TLE4: variants seen among roughly 807,000 people sequenced by gnomAD.
The protein encoded by TLE4 is transducin-like enhancer protein 4.
In TLE4, 8 loss-of-function variants were observed where a neutral mutation model predicts 92.8. The ratio of observed to expected loss-of-function variants is 0.09; its 90% confidence interval spans 0.05 to 0.16. The LOEUF (loss-of-function observed/expected upper bound fraction) is 0.16. TLE4 is among the 10% of genes least tolerant of loss of function. The pLI is 1.00. For synonymous variants in TLE4, 371 were observed against 374.1 expected, an observed-to-expected ratio of 0.99 and a Z score of 0.10; for missense variants, 675 against 997.6, an observed-to-expected ratio of 0.68 and a Z score of 4.36.
chr9:79,592,222 T>TTCC, intron 4 of TLE4, among the ~76,000 whole-genome samples: 3 of 127,160 alleles, frequency 2.4e-5, no homozygotes, highest in South Asian at 4.6e-4. Context: ...CTTCCTCTTC[T>TTCC]TCTTCTTCTT....
intron 6 of TLE4, among the ~76,000 whole-genome samples, chr9:79,639,561 A>G (rs2056723994): frequency 6.6e-6 from 1 of 152,202 alleles, no homozygotes; most frequent in East Asian, 1.9e-4. Context: ...TGACTCATTC[A>G]GAGCAAATTC....
chr9:79,673,584 T>G (rs547162916), intron 8 of TLE4, among the ~76,000 whole-genome samples: 5 of 152,320 alleles, frequency 3.3e-5, no homozygotes, highest in African/African-American at 9.6e-5. Context: ...ACAGTATCTG[T>G]TTTTGTGGGA....
At chr9:79,703,837 C>G (rs984663590) in intron 8 of TLE4, among the ~76,000 whole-genome samples, 2 of 152,160 alleles carry the variant, frequency 1.3e-5, no homozygotes, top group African/African-American at 2.4e-5. Context: ...CTTCCAGGCC[C>G]TAACATATGG....
At chr9:79,617,834 GA>G (rs202053188) in intron 5 of TLE4, among the ~76,000 whole-genome samples, 312 of 138,946 alleles carry the variant, frequency 2.2e-3, no homozygotes, top group South Asian at 4.2e-3. Context: ...TTTTTTCAAG[GA>G]AAAAAAAAAA....
At chr9:79,685,376 C>T (rs1244044734) in intron 8 of TLE4, among the ~76,000 whole-genome samples, 8 of 151,948 alleles carry the variant, frequency 5.3e-5, no homozygotes, top group African/African-American at 1.9e-4. Context: ...AAATAAAGAG[C>T]TTGGGCATGT....
chr9:79,720,383 T>G (rs398046385), intron 16 of TLE4, 90 bp downstream of exon 16: 11,453 of 66,412 alleles, frequency 0.17, 535 homozygotes, highest in Middle Eastern at 0.2. Flanking sequence ...TATGGGTGTG[T>G]GTGTGTGTGT....
intron 8 of TLE4, among the ~76,000 whole-genome samples, chr9:79,687,926 C>T (rs2066228599): frequency 6.6e-6 from 1 of 152,192 alleles, no homozygotes; most frequent in Non-Finnish European, 1.5e-5. Flanking sequence ...GTAGGTCTGG[C>T]AGTGAGACTG....
intron 4 of TLE4, among the ~76,000 whole-genome samples, chr9:79,588,132 T>TTG (rs1293431739): frequency 1.1e-5 from 1 of 91,802 alleles, no homozygotes; most frequent in South Asian, 2.9e-4. Flanking sequence ...TTGTTTATCC[T>TTG]TGCGTGTGTG....
rs1385770084 is a variant in TLE4 at position 79,678,648 on chromosome 9, TTTTAGG to T, written c.609+24574_609+24579del. Among the ~76,000 whole-genome samples, 11 of 151,974 alleles carry T rather than the reference TTTTAGG, an allele frequency of 7.2e-5. No homozygotes were observed. In the South Asian group the frequency reaches 2.3e-3, roughly 32 times the overall value. ...TTTTTTATTATTATTATACTTTAAG[TTTTAGG>T]GTACATGTGCACAATGTGCAGGTTT... On this transcript the variant is annotated intron_variant, in intron 8 of 19. Transcript: ENST00000376552.
At chr9:79,702,574 G>A (rs1331676623) in intron 8 of TLE4, among the ~76,000 whole-genome samples, 5 of 152,190 alleles carry the variant, frequency 3.3e-5, no homozygotes, top group Admixed American at 2.6e-4. Flanking sequence ...TTAAAAAATC[G>A]TTTGGCTCGT....
chr9:79,660,444 A>T (rs148179751), intron 8 of TLE4, among the ~76,000 whole-genome samples: 1 of 152,382 alleles, frequency 6.6e-6, no homozygotes, highest in East Asian at 1.9e-4. Context: ...TGGTAGGGTG[A>T]TAAAGTATGC....
chr9:79,627,437 G>A lies in TLE4; in HGVS notation c.379G>A (p.Ala127Thr), dbSNP rs765561549. The change falls in exon 6 of 20, where the codon GCC (alanine) becomes ACC (threonine). Residue 127 changes from alanine to threonine, a missense_variant. Transcript: ENST00000376552. ...GCAGGTGACCATGGCAGAACTGAAC[G>A]CCATCATTGGGGTACGTGGCCTTTC... ...AKQVTMAELN[A>T]IIGQQLQAQH... 25 of 1,614,018 alleles carry A rather than the reference G, an allele frequency of 1.5e-5. No individual in the cohort carries two copies. Among genetic ancestry groups the A allele is most frequent in the Non-Finnish European group, 1.9e-5 (23 of 1,179,992 alleles).
intron 6 of TLE4, among the ~76,000 whole-genome samples, chr9:79,636,100 A>G (rs886738969): frequency 6.6e-6 from 1 of 152,032 alleles, no homozygotes; most frequent in African/African-American, 2.4e-5. Flanking sequence ...TACACACAGC[A>G]GCCAGAGTGA....
At chr9:79,617,715 G>A (rs2049976709) in intron 5 of TLE4, among the ~76,000 whole-genome samples, 1 of 151,954 alleles carries the variant, frequency 6.6e-6, no homozygotes, top group Admixed American at 6.6e-5. Flanking sequence ...TTTGCTTATC[G>A]GTATAATGGG....
chr9:79,639,490 G>A (rs893935091), intron 6 of TLE4, among the ~76,000 whole-genome samples: 1 of 152,146 alleles, frequency 6.6e-6, no homozygotes, highest in Non-Finnish European at 1.5e-5. Flanking sequence ...GCAGTGTAGA[G>A]TAATTATAAA....
In TLE4 at chr9:79,704,660, C is replaced by T. The variant is rs1440861394; in HGVS notation, c.610-123C>T. The stretch of plus-strand genomic sequence containing the variant: ...TCTCCTCCGCTTTCTCCTATCTCCT[C>T]TTAACAGCTTTGCAAGTATATGCTA... On this transcript the variant is annotated intron_variant, in intron 8 of 19. Transcript: ENST00000376552. 11 of 1,349,228 alleles carry T rather than the reference C, an allele frequency of 8.2e-6. 1 individual carries two copies. The highest frequency in any genetic ancestry group is 3.8e-4 in the Middle Eastern group (2 of 5,280). 83.6% of individuals were successfully genotyped at this position (1,349,228 alleles called of 1,614,324 possible).
intron 6 of TLE4, among the ~76,000 whole-genome samples, chr9:79,642,033 T>G (rs185247853): frequency 6.6e-6 from 1 of 151,994 alleles, no homozygotes; most frequent in African/African-American, 2.4e-5. Context: ...TGGTAAACTT[T>G]GTTAATTTAC....
chr9:79,642,014 A>G (rs965208943), intron 6 of TLE4, among the ~76,000 whole-genome samples: 1 of 152,058 alleles, frequency 6.6e-6, no homozygotes, highest in African/African-American at 2.4e-5. Context: ...TGTTGCACAT[A>G]GTAGTGTTTG....
At chr9:79,724,849 TAAAAAAAAAAAAAAAAAAAAAAAAA>T (rs947971071) in intron 19 of TLE4, among the ~76,000 whole-genome samples, 163 bp from the exon 20 acceptor site, 1 of 25,978 alleles carries the variant, frequency 3.8e-5, no homozygotes, top group Non-Finnish European at 6.5e-5. Flanking sequence ...CCTGTCTTAT[TAAAAAAAAAAAAAAAAAAAAAAAAA>T]AAAAAAAGCA....
Sources: gnomAD v4.1 joint callset for allele counts (sites outside exome capture counted in the v4.1 genomes callset) on GRCh38, gnomAD v4.1.1 for gene constraint, MANE v1.5 for transcripts, NCBI Gene and HGNC (gene_info 2026-07-23, HGNC 2026-07-21) for gene names.